IFT74: variants seen among roughly 807,000 people sequenced by gnomAD.
The protein encoded by IFT74 is intraflagellar transport protein 74 homolog.
Under a neutral mutation model 96.7 loss-of-function variants are expected in IFT74, and 92 were observed. That is an observed-to-expected ratio of 0.95 (90% CI 0.80 to 1.13). The LOEUF (loss-of-function observed/expected upper bound fraction) is 1.13, where lower values mean the gene tolerates loss of function less well. IFT74 is among the 50% of genes most tolerant of loss of function. The pLI is 0.00. For missense variants in IFT74, 811 were observed against 698.2 expected, an observed-to-expected ratio of 1.16 and a Z score of -1.82; for synonymous variants, 223 against 213.2, an observed-to-expected ratio of 1.05 and a Z score of -0.40.
At chr9:26,963,882 G>A (rs1350062060) in intron 2 of IFT74, among the ~76,000 whole-genome samples, 4 of 152,122 alleles carry the variant, frequency 2.6e-5, no homozygotes, top group African/African-American at 9.7e-5. Context: ...CAGATGAGTA[G>A]GTTGCGAAAA....
chr9:26,982,845 G>A (rs1009832438), intron 4 of IFT74, among the ~76,000 whole-genome samples: 1 of 152,070 alleles, frequency 6.6e-6, no homozygotes, highest in Non-Finnish European at 1.5e-5. Context: ...ACCTGCCTAT[G>A]CCTTTCAAAG....
intron 13 of IFT74, among the ~76,000 whole-genome samples, chr9:27,040,364 A>C (rs185143460): frequency 3.4e-4 from 52 of 152,084 alleles, no homozygotes; most frequent in Non-Finnish European, 5.9e-4. Context: ...CATCCTGGCC[A>C]ACATAGTGAA....
At chr9:26,977,391 A>G (rs1426353946) in intron 2 of IFT74, among the ~76,000 whole-genome samples, 2 of 152,244 alleles carry the variant, frequency 1.3e-5, no homozygotes, top group African/African-American at 4.8e-5. Flanking sequence ...TCAGGCCAGT[A>G]GTTCAAGACC....
At position 26,979,811 on chromosome 9, in the gene IFT74, C is replaced by G. The variant is rs11789596; in HGVS notation, c.257-760C>G. On this transcript the variant is annotated intron_variant, in intron 3 of 19. Transcript: ENST00000380062. Reference sequence around the variant, plus strand: ...CACTGCAACCTCCGCATCCCAGATTCAAGCAATTCTCCTGCCTCAGCCTCC... The same window carrying G: ...CACTGCAACCTCCGCATCCCAGATTGAAGCAATTCTCCTGCCTCAGCCTCC... 9.9e-3 allele frequency among the ~76,000 whole-genome samples: 1,356 copies of G among 136,406 alleles called. 7 individuals carry two copies. Among genetic ancestry groups the G allele is most frequent in the Admixed American group, 0.014 (170 of 12,126 alleles). 89.5% of individuals were successfully genotyped at this position (136,406 alleles called of 152,430 possible).
intron 2 of IFT74, among the ~76,000 whole-genome samples, chr9:26,965,879 C>T (rs767590175): frequency 3.9e-5 from 6 of 152,008 alleles, no homozygotes; most frequent in Non-Finnish European, 5.9e-5. Context: ...TGAGAACATG[C>T]GGTATTTGAC....
intron 2 of IFT74, among the ~76,000 whole-genome samples, chr9:26,968,815 G>A (rs1826750740): frequency 6.6e-6 from 1 of 151,060 alleles, no homozygotes; most frequent in African/African-American, 2.4e-5. Flanking sequence ...TTTTTCATTA[G>A]TTAGTCTGGC....
chr9:27,022,646 CTT>C (rs112202812), intron 12 of IFT74, among the ~76,000 whole-genome samples: 26 of 141,632 alleles, frequency 1.8e-4, no homozygotes, highest in Admixed American at 2.1e-4. Flanking sequence ...TTCTTGATTT[CTT>C]TTTTTTTTTT....
In IFT74 at chr9:26,966,912, T is replaced by A. The variant is rs145873029; in HGVS notation, c.120+4825T>A. Among the ~76,000 whole-genome samples, 191 of 152,292 alleles carry A rather than the reference T, an allele frequency of 1.3e-3. 2 individuals carry two copies. The highest frequency in any genetic ancestry group is 4.5e-3 in the African/African-American group (186 of 41,574). On this transcript the variant is annotated intron_variant, in intron 2 of 19. Transcript: ENST00000380062. ...TATCCAGTTCTCCCAGTACCATTTA[T>A]TGAAGAAACTGGCATTTCCTCAGTG...
At chr9:27,052,049 T>C (rs1033831196) in intron 16 of IFT74, among the ~76,000 whole-genome samples, 1 of 152,228 alleles carries the variant, frequency 6.6e-6, no homozygotes, top group Non-Finnish European at 1.5e-5. Context: ...CTAAAGTCAA[T>C]GTAAATTCAA....
intron 2 of IFT74, among the ~76,000 whole-genome samples, chr9:26,973,779 C>A (rs1337874149): frequency 6.6e-6 from 1 of 152,104 alleles, no homozygotes; most frequent in African/African-American, 2.4e-5. Flanking sequence ...TGGAGTGAGA[C>A]AAACAGAGGA....
chr9:27,057,037 C>A (rs1443912600), intron 18 of IFT74, among the ~76,000 whole-genome samples: 1 of 152,026 alleles, frequency 6.6e-6, no homozygotes, highest in Non-Finnish European at 1.5e-5. Context: ...TAAGTACTTT[C>A]CCTTGTCAAT....
At chr9:26,952,815 C>A (rs1825976680), upstream of IFT74, among the ~76,000 whole-genome samples, 1 of 152,146 alleles carries the variant, frequency 6.6e-6, no homozygotes, top group African/African-American at 2.4e-5. Context: ...AAGAAGAAAG[C>A]TTTTCCTCTA....
chr9:27,051,070 G>A lies in IFT74; in HGVS notation c.1333+2796G>A, dbSNP rs146495766. Among the ~76,000 whole-genome samples the A allele has an allele frequency of 2.0e-3, 304 of 152,102 alleles. 3 individuals are homozygous for A. Among genetic ancestry groups the A allele is most frequent in the African/African-American group, 5.4e-3 (223 of 41,490 alleles). On this transcript the variant is annotated intron_variant, in intron 16 of 19. Transcript: ENST00000380062. ...TATGCTTTTTGCTATAGAAATATTC[G>A]TGTACTTGATGACAAGGTATTCCCT...
intron 4 of IFT74, among the ~76,000 whole-genome samples, chr9:26,981,733 T>C (rs940564426): frequency 4.0e-5 from 6 of 151,738 alleles, no homozygotes; most frequent in Non-Finnish European, 8.8e-5. Context: ...TGTAGCATTT[T>C]AAAAGTTCAC....
At chr9:27,045,707 C>T (rs1326074149) in intron 14 of IFT74, among the ~76,000 whole-genome samples, 3 of 152,104 alleles carry the variant, frequency 2.0e-5, no homozygotes, top group Admixed American at 6.6e-5. Flanking sequence ...AATCTGAATT[C>T]TAGCGAAGTG....
chr9:27,021,437 TA>T (rs1391639328), intron 12 of IFT74, among the ~76,000 whole-genome samples: 5 of 152,226 alleles, frequency 3.3e-5, no homozygotes, highest in African/African-American at 1.2e-4. Flanking sequence ...TGTACTACTT[TA>T]TATTTCCACA....
upstream of IFT74, among the ~76,000 whole-genome samples, chr9:26,952,810 GA>G (rs1262919808): frequency 6.6e-6 from 1 of 152,146 alleles, no homozygotes; most frequent in Non-Finnish European, 1.5e-5. Context: ...ATGGGAAGAA[GA>G]AAGCTTTTCC....
chr9:27,053,975 A>G (rs1285674583), intron 16 of IFT74, among the ~76,000 whole-genome samples: 1 of 152,238 alleles, frequency 6.6e-6, no homozygotes, highest in East Asian at 1.9e-4. Context: ...TTTGCTATAT[A>G]CATATTTGTA....
At chr9:27,046,931 T>C (rs1810845692) in intron 14 of IFT74, among the ~76,000 whole-genome samples, 1 of 152,138 alleles carries the variant, frequency 6.6e-6, no homozygotes, top group Admixed American at 6.6e-5. Context: ...TCCCAGCACT[T>C]TGGGAGGCCG....
Sources: allele counts gnomAD v4.1 joint callset (sites outside exome capture counted in the v4.1 genomes callset), GRCh38; gene constraint gnomAD v4.1.1; transcripts MANE v1.5; gene names NCBI Gene and HGNC (gene_info 2026-07-23, HGNC 2026-07-21).